ZNF621: variants seen among roughly 807,000 people sequenced by gnomAD.
ZNF621 encodes the protein zinc finger protein 621.
In ZNF621, 6 loss-of-function variants were observed where a neutral mutation model predicts 12.7. The observed-to-expected ratio is 0.47, with a 90% confidence interval of 0.26 to 0.93. ZNF621 has a LOEUF of 0.93. Ranked by LOEUF, ZNF621 falls within the 40% of genes least tolerant of loss-of-function variation. The pLI, the probability that ZNF621 is intolerant of heterozygous loss-of-function variation, is 0.15. For missense variants in ZNF621, 474 were observed against 524.0 expected (o/e 0.90, Z 0.93); for synonymous variants, 156 against 190.3 (o/e 0.82, Z 1.48).
intron 3 of ZNF621, 30 bp from the exon 4 acceptor site, chr3:40,530,179 T>G: frequency 1.9e-6 from 3 of 1,593,054 alleles, no homozygotes; most frequent in Non-Finnish European, 1.7e-6. Context: ...ACGTCTCCCC[T>G]CAATTTGTCT....
rs1415364918 is a variant in ZNF621 at position 40,539,413 on chromosome 3, C to T, written c.*6323C>T. 1 of 152,200 alleles carries T rather than the reference C, an allele frequency of 6.6e-6. No individual in the cohort carries two copies. The highest frequency in any genetic ancestry group is 1.5e-5 in the Non-Finnish European group (1 of 68,062). 9.4% of individuals were successfully genotyped at this position (152,200 alleles called of 1,614,324 possible). A position where few individuals can be genotyped will look rare whatever the true frequency, so the allele number is the denominator to read the frequency against. ...CACTGAAGACTTAGATTATCGTTAACATCTTTTAGCAATAAAATATTTTTA... is the reference window on the plus strand; with the variant it reads ...CACTGAAGACTTAGATTATCGTTAATATCTTTTAGCAATAAAATATTTTTA... On this transcript the variant is annotated 3_prime_UTR_variant, in exon 5 of 5. Coordinates refer to ENST00000339296, the MANE Select transcript of ZNF621 (RefSeq NM_198484.5).
upstream of ZNF621, among the ~76,000 whole-genome samples, chr3:40,524,073 A>T (rs1342979554): frequency 6.6e-6 from 1 of 152,204 alleles, no homozygotes; most frequent in Non-Finnish European, 1.5e-5. Context: ...TTGGTCAAAA[A>T]ACAGTCTTTT....
upstream of ZNF621, among the ~76,000 whole-genome samples, chr3:40,524,064 T>C (rs1489613155): frequency 2.0e-5 from 3 of 152,170 alleles, no homozygotes; most frequent in African/African-American, 4.8e-5. Context: ...CTTGGGACTT[T>C]GGTCAAAAAA....
intron 2 of ZNF621, among the ~76,000 whole-genome samples, chr3:40,527,174 C>G (rs77288670): frequency 1.3e-5 from 2 of 151,680 alleles, no homozygotes; most frequent in Admixed American, 1.3e-4. Flanking sequence ...CCCGCCACCA[C>G]GTCCGGCTAA....
In ZNF621 at chr3:40,533,246, T is replaced by C; in HGVS notation, c.*156T>C. The C allele has an allele frequency of 8.2e-7, 1 of 1,216,820 alleles. No homozygotes were observed. Among genetic ancestry groups the C allele is most frequent in the East Asian group, 2.6e-5 (1 of 38,716 alleles). The allele number at this position is 1,216,820 out of a possible 1,614,324, so 75.4% of individuals were successfully genotyped here. A position where few individuals can be genotyped will look rare whatever the true frequency, so the allele number is the denominator to read the frequency against. On this transcript the variant is annotated 3_prime_UTR_variant, in exon 5 of 5. Coordinates refer to ENST00000339296, the MANE Select transcript of ZNF621 (RefSeq NM_198484.5). ...ACCTCCCCCTCCTGGGTTCAAGCGA[T>C]TCTCCTCCTTCAGACTCTCGAATAG...
Position 40,538,267 on chromosome 3 carries a change from C to T in ZNF621, c.*5177C>T, listed in dbSNP as rs534475242. On this transcript the variant is annotated 3_prime_UTR_variant, in exon 5 of 5. Coordinates refer to ENST00000339296, the MANE Select transcript of ZNF621 (RefSeq NM_198484.5). ...GTGGCTCACACTTGTAATCCCAACA[C>T]TTTGGGAGGCCAAGGCAGGTGGATC... The T allele has an allele frequency of 7.4e-6, 3 of 407,162 alleles. No individual in the cohort carries two copies. Among genetic ancestry groups the T allele is most frequent in the Admixed American group, 5.7e-5 (2 of 35,024 alleles). 25.2% of individuals were successfully genotyped at this position (407,162 alleles called of 1,614,324 possible).
rs76485302 is a variant in ZNF621 at position 40,534,827 on chromosome 3, C to T, written c.*1737C>T. 0.048 allele frequency: 7,283 copies of T among 152,296 alleles called. 310 individuals are homozygous for T. Among genetic ancestry groups the T allele is most frequent in the South Asian group, 0.14 (661 of 4,818 alleles). The allele number at this position is 152,296 out of a possible 1,614,324, so 9.4% of individuals were successfully genotyped here. On this transcript the variant is annotated 3_prime_UTR_variant, in exon 5 of 5. Coordinates refer to ENST00000339296, the MANE Select transcript of ZNF621 (RefSeq NM_198484.5). ...ATGCTCGCTTGGCAAAACCTCATCT[C>T]TGACTAAATGCAGTTCTTTGCCTTC...
At chr3:40,523,309 G>T (rs1698498026), upstream of ZNF621, among the ~76,000 whole-genome samples, 1 of 152,152 alleles carries the variant, frequency 6.6e-6, no homozygotes, top group Non-Finnish European at 1.5e-5. Flanking sequence ...AATCCAAGAA[G>T]TGGGACCCCT....
upstream of ZNF621, among the ~76,000 whole-genome samples, chr3:40,524,277 G>C (rs925026057): frequency 1.3e-5 from 2 of 152,150 alleles, no homozygotes; most frequent in African/African-American, 2.4e-5. Context: ...CAGAAAAATA[G>C]CTGTAACTAC....
chr3:40,532,893 T>TCTG lies in ZNF621; in HGVS notation c.1126_1128dup (p.Ala376dup). 1.9e-6 allele frequency: 3 copies of TCTG among 1,598,220 alleles called. No homozygotes were observed. The highest frequency in any genetic ancestry group is 1.1e-5 in the South Asian group (1 of 89,140). On this transcript the variant is annotated inframe_insertion, in exon 5 of 5. Transcript: ENST00000339296. Reference sequence around the variant, plus strand: ...TCCTGTTCTTCTCCAGGGATCCTGTTCTGCTTCAGCCGTAGCTGTGCCTTC... The same window carrying TCTG: ...TCCTGTTCTTCTCCAGGGATCCTGTTCTGCTGCTTCAGCCGTAGCTGTGCCTTC...
intron 4 of ZNF621, among the ~76,000 whole-genome samples, chr3:40,531,186 T>C (rs904950049): frequency 6.6e-6 from 1 of 152,178 alleles, no homozygotes; most frequent in African/African-American, 2.4e-5. Context: ...AATTAGGACA[T>C]TGTTTAGAAT....
chr3:40,532,180 A>G lies in ZNF621; in HGVS notation c.410A>G (p.Asn137Ser), dbSNP rs963313380. Residue 137 changes from asparagine (N) to serine (S), a missense_variant, in exon 5 of 5, where the codon AAT becomes AGT. Physicochemically the swap from Asn to Ser is conservative, Grantham distance 46. Coordinates refer to ENST00000339296, the MANE Select transcript of ZNF621 (RefSeq NM_198484.5). The part of the protein sequence containing the change: ...FKRKALKQTF[N>S]LNPNLILRGG... ...AGGAAGGCACTGAAGCAGACTTTCA[A>G]TCTAAATCCAAATCTGATACTTCGA... 13 of 1,614,112 alleles carry G rather than the reference A, an allele frequency of 8.1e-6. No individual in the cohort carries two copies. The highest frequency in any genetic ancestry group is 4.0e-5 in the African/African-American group (3 of 74,934).
rs1310909127 is a variant in ZNF621, at chr3:40,533,694, T to C, written c.*604T>C. Reference sequence around the variant, plus strand: ...TTAGGAAAGTTTGGAAAAGAGGATATCCCTGTATTAGGCCATTATGATTAG... The same window carrying C: ...TTAGGAAAGTTTGGAAAAGAGGATACCCCTGTATTAGGCCATTATGATTAG... On this transcript the variant is annotated 3_prime_UTR_variant, in exon 5 of 5. Coordinates refer to ENST00000339296, the MANE Select transcript of ZNF621 (RefSeq NM_198484.5). 3 of 153,920 alleles carry C rather than the reference T, an allele frequency of 1.9e-5. No individual in the cohort carries two copies. Among genetic ancestry groups the C allele is most frequent in the Non-Finnish European group, 4.3e-5 (3 of 69,216 alleles). 9.5% of individuals were successfully genotyped at this position (153,920 alleles called of 1,614,324 possible).
chr3:40,529,624 G>A, intron 3 of ZNF621, 179 bp downstream of exon 3: 13 of 1,291,210 alleles, frequency 1.0e-5, no homozygotes, highest in Non-Finnish European at 1.3e-5. Context: ...TGTTTGTTTT[G>A]TTTGTTTGTT....
In ZNF621 at chr3:40,529,403, G is replaced by A. The variant is rs573787592; in HGVS notation, c.109G>A (p.Gly37Arg). ...SLDPAQRALY[G>R]EVMLENYANV... ...CGACCCTGCGCAGAGGGCCCTGTACGGGGAGGTGATGCTGGAGAATTATGC... is the reference window on the plus strand; with the variant it reads ...CGACCCTGCGCAGAGGGCCCTGTACAGGGAGGTGATGCTGGAGAATTATGC... Residue 37 changes from glycine (G) to arginine (R), a missense_variant, in exon 3 of 5, where the codon GGG (glycine) becomes AGG (arginine). Coordinates refer to ENST00000339296, the MANE Select transcript of ZNF621 (RefSeq NM_198484.5). 78 of 1,613,792 alleles carry A rather than the reference G, an allele frequency of 4.8e-5. No individual in the cohort carries two copies. The highest frequency in any genetic ancestry group is 1.7e-4 in the Middle Eastern group (1 of 6,058).
Position 40,525,805 on chromosome 3 carries a change from C to G in ZNF621, c.-36C>G, listed in dbSNP as rs1222457869. ...TCTTGAGGATCTTGCTTGTCCAAAC[C>G]CAGAAGACAGTGCATGAAGCCAGGG... On this transcript the variant is annotated 5_prime_UTR_variant, in exon 2 of 5. Transcript: ENST00000339296. The G allele has an allele frequency of 1.9e-6, 3 of 1,614,138 alleles. No homozygotes were observed. Among genetic ancestry groups the G allele is most frequent in the Non-Finnish European group, 2.5e-6 (3 of 1,180,012 alleles).
Position 40,532,905 on chromosome 3 carries a change from G to A in ZNF621, c.1135G>A (p.Val379Ile), listed in dbSNP as rs369196399. The A allele has an allele frequency of 7.6e-5, 120 of 1,584,526 alleles. No individual in the cohort carries two copies. The South Asian group carries it at 9.0e-4, about 12-fold the overall frequency. The stretch of plus-strand genomic sequence containing the variant: ...CCAGGGATCCTGTTCTGCTTCAGCC[G>A]TAGCTGTGCCTTCACTGACCTTTCC... Reference protein sequence around the residue: ...LLQGSCSASAVAVPSLTFPHA... With the variant: ...LLQGSCSASAIAVPSLTFPHA... Residue 379 changes from valine to isoleucine, a missense_variant, in exon 5 of 5, where the codon GTA becomes ATA. By Grantham distance (29) the Val-to-Ile change is conservative. Transcript: ENST00000339296.
Position 40,525,714 on chromosome 3 carries a change from G to A in ZNF621, c.-62-65G>A, listed in dbSNP as rs1353085086. ...GTGCTGGAAATGTGGAAACTGGGAG[G>A]GCCATAGGTTGCTGTAGGTGGTGGA... On this transcript the variant is annotated intron_variant, in intron 1 of 4. Coordinates refer to ENST00000339296, the MANE Select transcript of ZNF621 (RefSeq NM_198484.5). 3.2e-6 allele frequency: 4 copies of A among 1,252,530 alleles called. No individual in the cohort carries two copies. The East Asian group carries it at 9.5e-5, about 30-fold the overall frequency. 77.6% of individuals were successfully genotyped at this position (1,252,530 alleles called of 1,614,324 possible). A position where few individuals can be genotyped will look rare whatever the true frequency, so the allele number is the denominator to read the frequency against.
Position 40,525,876 on chromosome 3 carries a change from T to G in ZNF621, c.24+12T>G, listed in dbSNP as rs766354285. 3.1e-6 allele frequency: 5 copies of G among 1,612,004 alleles called. No homozygotes were observed. The African/African-American group carries it at 5.4e-5, about 17-fold the overall frequency. ...CAACTTGGCCTCAGGTGAGCTGAGC[T>G]TCTTTCAGTTTTTTTGTTTGTTTGT... On this transcript the variant is annotated intron_variant, in intron 2 of 4. Coordinates refer to ENST00000339296, the MANE Select transcript of ZNF621 (RefSeq NM_198484.5).
Sources: gnomAD v4.1 joint callset for allele counts (sites outside exome capture counted in the v4.1 genomes callset) on GRCh38, gnomAD v4.1.1 for gene constraint, MANE v1.5 for transcripts, NCBI Gene and HGNC (gene_info 2026-07-23, HGNC 2026-07-21) for gene names.